Variants in LHPP observed in about 807,000 individuals in gnomAD.
The protein encoded by LHPP is phospholysine phosphohistidine inorganic pyrophosphate phosphatase.
LHPP carries 24 observed loss-of-function variants against 30.3 expected under a neutral mutation model. That is an observed-to-expected ratio of 0.79 (90% CI 0.57 to 1.11). The LOEUF (loss-of-function observed/expected upper bound fraction) is 1.11. Ranked by LOEUF, LHPP falls within the 50% of genes most tolerant of loss-of-function variation. LHPP has a pLI of 0.00. For synonymous variants in LHPP, 150 were observed against 157.1 expected, an observed-to-expected ratio of 0.95 and a Z score of 0.34; for missense variants, 356 against 367.2, an observed-to-expected ratio of 0.97 and a Z score of 0.25.
chr10:124,511,688 AC>A (rs1954302481), intron 5 of LHPP, among the ~76,000 whole-genome samples: 2 of 151,894 alleles, frequency 1.3e-5, no homozygotes, highest in South Asian at 4.2e-4. Flanking sequence ...AGCTGAAACT[AC>A]CTCCCTGGCC....
At chr10:124,520,185 A>G (rs923939531) in intron 6 of LHPP, among the ~76,000 whole-genome samples, 4 of 152,166 alleles carry the variant, frequency 2.6e-5, no homozygotes, top group Non-Finnish European at 4.4e-5. Flanking sequence ...CAGGTTCATT[A>G]CATAGGTGAA....
chr10:124,613,039 T>C (rs555022529), intron 6 of LHPP: 13 of 574,208 alleles, frequency 2.3e-5, no homozygotes, highest in Middle Eastern at 4.6e-4. Context: ...GGGAGACAGG[T>C]TTGGGGAGGT....
intron 1 of LHPP, among the ~76,000 whole-genome samples, chr10:124,462,807 C>T (rs1181335189): frequency 6.6e-6 from 1 of 152,200 alleles, no homozygotes; most frequent in Non-Finnish European, 1.5e-5. Flanking sequence ...AAGTGATTCT[C>T]CCCCTTCAGG....
At chr10:124,577,284 CA>C (rs1817513040) in intron 6 of LHPP, among the ~76,000 whole-genome samples, 1 of 152,218 alleles carries the variant, frequency 6.6e-6, no homozygotes, top group South Asian at 2.1e-4. Flanking sequence ...AGACCATCCC[CA>C]GCGTCCACCC....
At chr10:124,551,094 G>A (rs980709909) in intron 6 of LHPP, among the ~76,000 whole-genome samples, 3 of 152,098 alleles carry the variant, frequency 2.0e-5, no homozygotes, top group Admixed American at 6.5e-5. Context: ...CAGGCCTGTC[G>A]CCATCACTGG....
At position 124,592,909 on chromosome 10, in the gene LHPP, GCGCAC is replaced by G. The variant is rs1948898826; in HGVS notation, c.717-20351_717-20347del. 6.6e-6 allele frequency among the ~76,000 whole-genome samples: 1 copy of G among 152,252 alleles called. No individual in the cohort carries two copies. The highest frequency in any genetic ancestry group is 6.5e-5 in the Admixed American group (1 of 15,292). ...GTGGGCACAATCGGCCCAGTGTGGG[GCGCAC>G]CGCCCCAGGCAGGCTGGCGTCCCGG... On this transcript the variant is annotated intron_variant, in intron 6 of 6. Transcript: ENST00000368842. This position sits in a 1 kb window ranked among gnomAD's most constrained non-coding sequence, Gnocchi z 6.2.
In LHPP at chr10:124,470,124, G is replaced by T. The variant is rs1952683683; in HGVS notation, c.125+8137G>T. Among the ~76,000 whole-genome samples the T allele has an allele frequency of 1.3e-5, 2 of 152,204 alleles. 1 individual carries two copies. Among genetic ancestry groups the T allele is most frequent in the Non-Finnish European group, 2.9e-5 (2 of 68,032 alleles). On this transcript the variant is annotated intron_variant, in intron 1 of 6. Coordinates refer to ENST00000368842, the MANE Select transcript of LHPP (RefSeq NM_022126.4). ...CTTTATTGAAGCCCTTTCATGGGCG[G>T]ATTGGGTTCCCCGAGGGGAGCCATT...
At chr10:124,486,223 A>G (rs1358649524) in intron 2 of LHPP, among the ~76,000 whole-genome samples, 1 of 152,138 alleles carries the variant, frequency 6.6e-6, no homozygotes. Context: ...CATCACCATC[A>G]CTGACAGCTC....
At chr10:124,605,917 G>T (rs918148250) in intron 6 of LHPP, among the ~76,000 whole-genome samples, 11 of 152,112 alleles carry the variant, frequency 7.2e-5, no homozygotes, top group Non-Finnish European at 1.6e-4. Context: ...GGGTCACCCT[G>T]TGGGTTCCGG....
intron 6 of LHPP, among the ~76,000 whole-genome samples, chr10:124,520,101 A>G (rs1589824022): frequency 1.3e-5 from 2 of 150,912 alleles, no homozygotes; most frequent in South Asian, 4.2e-4. Flanking sequence ...CCAAAGTGCT[A>G]GGATTACAGG....
intron 1 of LHPP, among the ~76,000 whole-genome samples, chr10:124,476,879 C>G (rs2133832856): frequency 6.6e-6 from 1 of 152,290 alleles, no homozygotes; most frequent in African/African-American, 2.4e-5. Context: ...GAAAATTAGA[C>G]AGTGGCTAGC....
At chr10:124,463,969 A>G (rs555604641) in intron 1 of LHPP, among the ~76,000 whole-genome samples, 1 of 151,990 alleles carries the variant, frequency 6.6e-6, no homozygotes, top group East Asian at 1.9e-4. Flanking sequence ...GGCACGTGCC[A>G]CCATGCCCAG....
At chr10:124,570,643 C>T (rs1948570136) in intron 6 of LHPP, among the ~76,000 whole-genome samples, 1 of 152,206 alleles carries the variant, frequency 6.6e-6, no homozygotes, top group African/African-American at 2.4e-5. Context: ...CACCCCCAGC[C>T]CCTAGCAGCC....
chr10:124,517,543 C>T lies in LHPP; in HGVS notation c.716+272C>T, dbSNP rs1954491033. On this transcript the variant is annotated intron_variant, in intron 6 of 6. Transcript: ENST00000368842. This position sits in a 1 kb window ranked among gnomAD's most constrained non-coding sequence, Gnocchi z 4.1. ...GAAATAAGCAAAGGCACTATCCATC[C>T]TGGCGGCGGCCCACCAGGGAGTTGG... is the stretch of plus-strand genomic sequence containing the variant. Among the ~76,000 whole-genome samples, 1 of 152,144 alleles carries T rather than the reference C, an allele frequency of 6.6e-6. No homozygotes were observed. The highest frequency in any genetic ancestry group is 6.5e-5 in the Admixed American group (1 of 15,272).
intron 5 of LHPP, among the ~76,000 whole-genome samples, chr10:124,514,946 C>T (rs1388132109): frequency 1.3e-5 from 2 of 151,790 alleles, no homozygotes; most frequent in Admixed American, 6.6e-5. Context: ...GGACTACAGG[C>T]GTGCGCCACC....
chr10:124,588,926 C>G (rs971710196), intron 6 of LHPP, among the ~76,000 whole-genome samples: 10 of 152,214 alleles, frequency 6.6e-5, no homozygotes, highest in Non-Finnish European at 1.3e-4. Context: ...TAGGGAAAAC[C>G]AGACGTCAGT....
intron 1 of LHPP, among the ~76,000 whole-genome samples, chr10:124,465,127 C>T (rs914908877): frequency 3.3e-5 from 5 of 151,944 alleles, no homozygotes; most frequent in Non-Finnish European, 5.9e-5. Context: ...GAGAGGGGGT[C>T]GGGACAGCTC....
chr10:124,554,359 C>G (rs1177480717), intron 6 of LHPP, among the ~76,000 whole-genome samples: 2 of 152,092 alleles, frequency 1.3e-5, no homozygotes, highest in Non-Finnish European at 2.9e-5. Context: ...ACCACCACAC[C>G]GGCTAGTTTT....
intron 1 of LHPP, among the ~76,000 whole-genome samples, chr10:124,476,342 A>G (rs1396724351): frequency 6.6e-6 from 1 of 152,186 alleles, no homozygotes; most frequent in Non-Finnish European, 1.5e-5. Flanking sequence ...AAGGAGGAGC[A>G]AGTGCAGGAG....
Sources: gnomAD v4.1 joint callset for allele counts (sites outside exome capture counted in the v4.1 genomes callset) on GRCh38, gnomAD v4.1.1 for gene constraint, Gnocchi (gnomAD v3.1) non-coding constraint, MANE v1.5 for transcripts, NCBI Gene and HGNC (gene_info 2026-07-23, HGNC 2026-07-21) for gene names.